The following IL19 variants were observed in gnomAD, a reference collection of about 807,000 sequenced individuals.
IL19 encodes interleukin 19.
IL19 carries 15 observed loss-of-function variants against 19.5 expected under a neutral mutation model. The ratio of observed to expected loss-of-function variants is 0.77; its 90% CI spans 0.52 to 1.19. The LOEUF (loss-of-function observed/expected upper bound fraction) is 1.19, where lower values mean the gene tolerates loss of function less well. Among genes scored for constraint, IL19 ranks in the 50% most tolerant of loss-of-function variants. The probability of loss-of-function intolerance (pLI) is 0.00; values close to 1 mark genes in which losing one functional copy is unlikely to be tolerated. For missense variants in IL19, 199 were observed against 213.1 expected (o/e 0.93, Z 0.41); for synonymous variants, 78 against 78.3 (o/e 1.00, Z 0.02).
At chr1:206,780,972 G>T (rs764213598) in intron 1 of IL19, among the ~76,000 whole-genome samples, 103 of 152,328 alleles carry the variant, frequency 6.8e-4, no homozygotes, top group Non-Finnish European at 1.2e-3. Context: ...GAATGATAGT[G>T]AGGGTGGCTT....
At chr1:206,772,477 A>G in intron 1 of IL19, 1 of 1,602,398 alleles carries the variant, frequency 6.2e-7, no homozygotes, top group Non-Finnish European at 8.5e-7. Flanking sequence ...GTTTTGCAAG[A>G]GCAAGCCCCT....
chr1:206,837,017 C>A lies in IL19; in HGVS notation c.204C>A (p.Ile68=). 1 of 1,612,160 alleles carries A rather than the reference C, an allele frequency of 6.2e-7. No individual in the cohort carries two copies. The highest frequency in any genetic ancestry group is 8.5e-7 in the Non-Finnish European group (1 of 1,178,260). ...TGTCCACATTGGAGACTCTGCAGAT[C>A]ATTAAGGTATTGGCCTGTGTCTGCT... ...TILSTLETLQ[I]IKPLDVCCVT... is the part of the protein sequence containing the mutation. Residue 68 remains isoleucine (I), a synonymous_variant, in exon 4 of 7, where the codon ATC becomes ATA. Transcript: ENST00000659997.
At chr1:206,818,169 G>A (rs534548757) in intron 2 of IL19, among the ~76,000 whole-genome samples, 76 of 152,280 alleles carry the variant, frequency 5.0e-4, no homozygotes, top group African/African-American at 1.8e-3. Flanking sequence ...AACCAAGTTG[G>A]CCTAATTAAC....
chr1:206,808,500 C>CGTGTGTGT (rs36044951), intron 2 of IL19, among the ~76,000 whole-genome samples: 22,218 of 148,606 alleles, frequency 0.15, 2,505 homozygotes, highest in East Asian at 0.63. Context: ...TGTGTGTGTG[C>CGTGTGTGT]GTGTGTGTGT....
At chr1:206,775,448 GTCCACTC>G (rs1433446674) in intron 1 of IL19, among the ~76,000 whole-genome samples, 3 of 152,090 alleles carry the variant, frequency 2.0e-5, no homozygotes, top group Non-Finnish European at 4.4e-5. Flanking sequence ...TGAAATTACT[GTCCACTC>G]TCATTTCAAA....
chr1:206,785,519 G>T (rs185801191), intron 1 of IL19, among the ~76,000 whole-genome samples: 1 of 152,190 alleles, frequency 6.6e-6, no homozygotes, highest in African/African-American at 2.4e-5. Flanking sequence ...TGGGACAGGT[G>T]GGGAGGAGAG....
chr1:206,816,141 A>G (rs1464435637), intron 2 of IL19, among the ~76,000 whole-genome samples: 1 of 152,192 alleles, frequency 6.6e-6, no homozygotes, highest in Non-Finnish European at 1.5e-5. Context: ...GGCATATAAA[A>G]GTTGAAAAAA....
At chr1:206,792,920 T>G (rs181715389) in intron 1 of IL19, among the ~76,000 whole-genome samples, 173 of 152,336 alleles carry the variant, frequency 1.1e-3, no homozygotes, top group African/African-American at 4.1e-3. Context: ...AACAGAGCTA[T>G]GGGGAACTAA....
intron 5 of IL19, chr1:206,840,427 A>C: frequency 3.6e-6 from 1 of 280,578 alleles, no homozygotes; most frequent in Non-Finnish European, 6.9e-6. Context: ...TAAATCCAAC[A>C]TCAGAAACAA....
chr1:206,824,370 G>T (rs980053642), intron 2 of IL19, among the ~76,000 whole-genome samples: 1 of 152,212 alleles, frequency 6.6e-6, no homozygotes, highest in African/African-American at 2.4e-5. Context: ...TGTGAAAAAT[G>T]CCCTGGAGAT....
chr1:206,841,896 C>T (rs1572578805), intron 6 of IL19, among the ~76,000 whole-genome samples: 1 of 152,210 alleles, frequency 6.6e-6, no homozygotes, highest in Non-Finnish European at 1.5e-5. Context: ...AGTAACTAAA[C>T]TAAGTTCACA....
intron 2 of IL19, among the ~76,000 whole-genome samples, chr1:206,812,351 C>T (rs548299211): frequency 6.6e-5 from 10 of 152,308 alleles, no homozygotes; most frequent in Admixed American, 2.6e-4. Flanking sequence ...GAACAAATGT[C>T]TCTACCAGGA....
intron 1 of IL19, among the ~76,000 whole-genome samples, chr1:206,784,420 G>A (rs1030491121): frequency 2.6e-5 from 4 of 152,106 alleles, no homozygotes; most frequent in Non-Finnish European, 4.4e-5. Flanking sequence ...GGCCCTGTCA[G>A]CCTCTTCTAG....
intron 1 of IL19, chr1:206,772,159 G>A: frequency 1.1e-6 from 1 of 909,678 alleles, no homozygotes; most frequent in South Asian, 1.4e-5. Flanking sequence ...TGGGGGAATA[G>A]GTGTTGGGGA....
At chr1:206,785,566 A>G (rs1045721589) in intron 1 of IL19, among the ~76,000 whole-genome samples, 12 of 152,206 alleles carry the variant, frequency 7.9e-5, no homozygotes, top group African/African-American at 2.9e-4. Flanking sequence ...GCAGAGCAGA[A>G]GGTTAGCATT....
chr1:206,821,568 G>A, intron 2 of IL19, among the ~76,000 whole-genome samples: 1 of 152,250 alleles, frequency 6.6e-6, no homozygotes, highest in Non-Finnish European at 1.5e-5. Flanking sequence ...GGAAGAGAAA[G>A]TGTGTTCAAG....
In IL19 at chr1:206,798,855, C is replaced by T; in HGVS notation, c.-148-6C>T. 7.1e-7 allele frequency: 1 copy of T among 1,403,758 alleles called. No homozygotes were observed. Among genetic ancestry groups the T allele is most frequent in the African/African-American group, 1.4e-5 (1 of 70,472 alleles). The allele number at this position is 1,403,758 out of a possible 1,614,324, so 87.0% of individuals were successfully genotyped here. ...TAATGATGACTCTCTATGATTTTCT[C>T]CATAGAGCGGTGCTTGCACACACTG... On this transcript the variant is annotated splice_polypyrimidine_tract_variant and splice_region_variant and intron_variant, in intron 1 of 6. Coordinates refer to ENST00000659997, the MANE Select transcript of IL19 (RefSeq NM_153758.5).
intron 1 of IL19, among the ~76,000 whole-genome samples, chr1:206,788,757 C>T (rs1027540242): frequency 3.9e-5 from 6 of 152,212 alleles, no homozygotes; most frequent in South Asian, 4.1e-4. Flanking sequence ...CTGCTTAGCA[C>T]ATGTCTCAAC....
At chr1:206,797,296 G>T (rs565395659) in intron 1 of IL19, among the ~76,000 whole-genome samples, 9 of 56,384 alleles carry the variant, frequency 1.6e-4, no homozygotes, top group Admixed American at 1.1e-3. Context: ...GAATTCTCAG[G>T]CAGGAAGGGA....
Sources: allele counts gnomAD v4.1 joint callset (sites outside exome capture counted in the v4.1 genomes callset), GRCh38; gene constraint gnomAD v4.1.1; transcripts MANE v1.5; gene names NCBI Gene and HGNC (gene_info 2026-07-23, HGNC 2026-07-21).